The following HYAL4 variants were observed in gnomAD, a reference collection of about 807,000 sequenced individuals.
The protein encoded by HYAL4 is hyaluronidase 4, also known as hyaluronidase-4.
A neutral mutation model predicts 35.2 loss-of-function variants in HYAL4; 37 were observed. The ratio of observed to expected loss-of-function variants is 1.05; its 90% confidence interval spans 0.81 to 1.38. HYAL4 has a LOEUF of 1.38. Ranked by LOEUF, HYAL4 falls within the 40% of genes most tolerant of loss-of-function variation. HYAL4 has a pLI of 0.00. For missense variants in HYAL4, 572 were observed against 572.4 expected (o/e 1.00, Z 0.01); for synonymous variants, 198 against 203.2 (o/e 0.97, Z 0.22).
the HYAL4 span, among the ~76,000 whole-genome samples, chr7:123,786,562 A>G: frequency 2.2e-4 from 33 of 152,060 alleles, no homozygotes; most frequent in Admixed American, 5.2e-4. Context: ...TATTAAAAGT[A>G]TGCATCAGTT....
rs1381036384 is a variant in HYAL4 at position 123,833,748 on chromosome 7, A to C, written c.-257+4624A>C. On this transcript the variant is annotated intron_variant, in intron 1 of 4. Transcript: ENST00000489978. ...TTTAAGTTCTTGATTCTTCATCTTG[A>C]GTTGATTTTTGTATAATGTGAGGGA... Among the ~76,000 whole-genome samples the C allele has an allele frequency of 2.0e-5, 3 of 152,030 alleles. No homozygotes were observed. In the East Asian group the frequency reaches 5.8e-4, roughly 29 times the overall value.
upstream of HYAL4, among the ~76,000 whole-genome samples, chr7:123,840,506 T>G (rs1806038117): frequency 3.9e-5 from 6 of 152,144 alleles, 1 homozygote; most frequent in South Asian, 4.1e-4. Context: ...TAAAGTAGTT[T>G]TTTCCAATTC....
the HYAL4 span, among the ~76,000 whole-genome samples, chr7:123,807,917 T>TATTATTATTATTATG: frequency 7.5e-6 from 1 of 133,950 alleles, no homozygotes; most frequent in East Asian, 2.1e-4. Context: ...GCTGGATAAT[T>TATTATTATTATTATG]ATTATTATTA....
chr7:123,830,766 C>G (rs1389147646), intron 1 of HYAL4, among the ~76,000 whole-genome samples: 7 of 152,044 alleles, frequency 4.6e-5, no homozygotes, highest in Admixed American at 2.6e-4. Flanking sequence ...ACTTTATCTT[C>G]TAATTTAGAC....
the HYAL4 span, chr7:123,814,845 C>T: frequency 2.4e-5 from 3 of 124,326 alleles, no homozygotes; most frequent in Admixed American, 7.5e-5. Context: ...GGGAAAAAAG[C>T]GCAGCACTTT....
intron 1 of HYAL4, among the ~76,000 whole-genome samples, chr7:123,846,881 G>A (rs115685929): frequency 0.014 from 2,078 of 152,262 alleles, 47 homozygotes; most frequent in African/African-American, 0.047. Context: ...CTTAAGGTAA[G>A]GTCAGAATCT....
chr7:123,861,825 CAT>C (rs1332743562), intron 2 of HYAL4, among the ~76,000 whole-genome samples: 3 of 152,030 alleles, frequency 2.0e-5, no homozygotes, highest in Non-Finnish European at 4.4e-5. Flanking sequence ...TTGATAATAA[CAT>C]AAAATAGTTA....
the HYAL4 span, among the ~76,000 whole-genome samples, chr7:123,810,280 G>T: frequency 6.6e-6 from 1 of 151,934 alleles, no homozygotes; most frequent in Non-Finnish European, 1.5e-5. Flanking sequence ...TCTTGTGAGG[G>T]GTTTCATGGC....
chr7:123,832,193 C>T (rs1191147471), intron 1 of HYAL4, among the ~76,000 whole-genome samples: 1 of 152,216 alleles, frequency 6.6e-6, no homozygotes, highest in East Asian at 1.9e-4. Flanking sequence ...ATTTGTCCTC[C>T]ACCCATTTCC....
chr7:123,851,115 G>A (rs1353174189), intron 2 of HYAL4, among the ~76,000 whole-genome samples: 1 of 152,168 alleles, frequency 6.6e-6, no homozygotes, highest in Non-Finnish European at 1.5e-5. Context: ...ACTTTACTAA[G>A]ATCCAAGTGC....
At chr7:123,800,965 T>C in the HYAL4 span, among the ~76,000 whole-genome samples, 1 of 152,224 alleles carries the variant, frequency 6.6e-6, no homozygotes, top group Non-Finnish European at 1.5e-5. Context: ...CCAGCCTCAG[T>C]GTAATTTCAA....
At chr7:123,839,171 G>A (rs1364737819) in intron 1 of HYAL4, among the ~76,000 whole-genome samples, 1 of 151,902 alleles carries the variant, frequency 6.6e-6, no homozygotes, top group Non-Finnish European at 1.5e-5. Flanking sequence ...GGTGTGTGAT[G>A]CTCCCCACTC....
chr7:123,786,740 A>G, the HYAL4 span, among the ~76,000 whole-genome samples: 3 of 151,678 alleles, frequency 2.0e-5, no homozygotes, highest in Non-Finnish European at 2.9e-5. Context: ...CTATCTATCT[A>G]TCTATCTATC....
chr7:123,830,349 C>T (rs1342857853), intron 1 of HYAL4, among the ~76,000 whole-genome samples: 1 of 152,116 alleles, frequency 6.6e-6, no homozygotes, highest in East Asian at 1.9e-4. Flanking sequence ...ACAGGTACAC[C>T]TGTAAGCAAA....
At chr7:123,856,795 T>C (rs1806447244) in intron 2 of HYAL4, among the ~76,000 whole-genome samples, 1 of 152,126 alleles carries the variant, frequency 6.6e-6, no homozygotes, top group African/African-American at 2.4e-5. Flanking sequence ...AGCCACCCCT[T>C]CCCCTAGTTG....
the HYAL4 span, among the ~76,000 whole-genome samples, chr7:123,775,157 G>C: frequency 6.6e-6 from 1 of 152,174 alleles, no homozygotes; most frequent in African/African-American, 2.4e-5. Context: ...GAGAGGCCAG[G>C]CATGGTGGCT....
At chr7:123,813,831 G>C in the HYAL4 span, among the ~76,000 whole-genome samples, 1 of 152,164 alleles carries the variant, frequency 6.6e-6, no homozygotes, top group African/African-American at 2.4e-5. Context: ...AGCCAGTGAA[G>C]GCTTGTCAGT....
the HYAL4 span, among the ~76,000 whole-genome samples, chr7:123,822,329 G>A: frequency 2.0e-5 from 3 of 151,960 alleles, no homozygotes; most frequent in African/African-American, 7.2e-5. Context: ...TCAATATTAT[G>A]TAGTTTTTGA....
At chr7:123,843,209 C>T (rs1210166962), upstream of HYAL4, among the ~76,000 whole-genome samples, 1 of 151,972 alleles carries the variant, frequency 6.6e-6, no homozygotes, top group Non-Finnish European at 1.5e-5. Flanking sequence ...GACAAAATCT[C>T]CCAGCATTTG....
Sources: allele counts gnomAD v4.1 joint callset (sites outside exome capture counted in the v4.1 genomes callset), GRCh38; gene constraint gnomAD v4.1.1; transcripts MANE v1.5; gene names NCBI Gene and HGNC (gene_info 2026-07-23, HGNC 2026-07-21).